Variants in FSTL5 observed in about 807,000 individuals in gnomAD.
FSTL5 encodes follistatin like 5.
FSTL5 carries 62 observed loss-of-function variants against 89.1 expected under a neutral mutation model. That is an observed-to-expected ratio of 0.70 (90% CI 0.57 to 0.86). FSTL5 has a LOEUF of 0.86. Ranked by LOEUF, FSTL5 falls within the 40% of genes least tolerant of loss-of-function variation. FSTL5 has a pLI of 0.00. For missense variants in FSTL5, 1,057 were observed against 1,001.6 expected (o/e 1.06, Z -0.75); for synonymous variants, 383 against 346.2 (o/e 1.11, Z -1.18).
intron 15 of FSTL5, among the ~76,000 whole-genome samples, chr4:161,402,178 C>T (rs1233579262): frequency 4.6e-5 from 7 of 152,106 alleles, no homozygotes; most frequent in African/African-American, 9.7e-5. Flanking sequence ...GAAACACAAA[C>T]GCACACACTT....
intron 10 of FSTL5, among the ~76,000 whole-genome samples, chr4:161,535,925 T>C (rs142678371): frequency 5.9e-5 from 9 of 152,238 alleles, no homozygotes; most frequent in Middle Eastern, 3.4e-3. Context: ...AATGAAATCA[T>C]AGTCTTTGAA....
intron 6 of FSTL5, among the ~76,000 whole-genome samples, chr4:161,694,679 T>G (rs912052017): frequency 6.6e-6 from 1 of 152,038 alleles, no homozygotes; most frequent in African/African-American, 2.4e-5. Flanking sequence ...GGGCATTAAT[T>G]TTATGTTTCT....
At chr4:161,551,478 A>G (rs1483031272) in intron 8 of FSTL5, among the ~76,000 whole-genome samples, 1 of 151,694 alleles carries the variant, frequency 6.6e-6, no homozygotes, top group African/African-American at 2.4e-5. Context: ...TAGATTCTGG[A>G]TATTAGCCCT....
At chr4:161,933,638 T>C (rs183696197) in intron 3 of FSTL5, among the ~76,000 whole-genome samples, 88 of 151,198 alleles carry the variant, frequency 5.8e-4, no homozygotes, top group Admixed American at 9.3e-4. Context: ...ATTTTCAAGG[T>C]GGAAAATGGT....
intron 4 of FSTL5, among the ~76,000 whole-genome samples, chr4:161,805,688 G>A (rs1729943113): frequency 6.6e-6 from 1 of 152,056 alleles, no homozygotes; most frequent in African/African-American, 2.4e-5. Flanking sequence ...ACATGTCACT[G>A]AACTAAAAAT....
intron 4 of FSTL5, among the ~76,000 whole-genome samples, chr4:161,793,756 G>A (rs192468582): frequency 4.9e-4 from 75 of 151,954 alleles, no homozygotes; most frequent in African/African-American, 1.7e-3. Flanking sequence ...CTACAGGTGC[G>A]TGCCACTGTG....
intron 15 of FSTL5, among the ~76,000 whole-genome samples, chr4:161,430,290 A>G (rs984770213): frequency 6.6e-6 from 1 of 152,172 alleles, no homozygotes; most frequent in Non-Finnish European, 1.5e-5. Flanking sequence ...GGCATTAAAG[A>G]GTAGGTAGAG....
chr4:161,902,960 A>G (rs186537201), intron 4 of FSTL5, among the ~76,000 whole-genome samples: 11 of 152,272 alleles, frequency 7.2e-5, no homozygotes, highest in African/African-American at 2.4e-4. Flanking sequence ...CACCAATATT[A>G]AGATTTTCAT....
At position 161,429,563 on chromosome 4, in the gene FSTL5, C is replaced by T. The variant is rs183226188; in HGVS notation, c.1841+25441G>A. On this transcript the variant is annotated intron_variant, in intron 15 of 15. Coordinates refer to ENST00000306100, the MANE Select transcript of FSTL5 (RefSeq NM_020116.5). ...GTAAGGAAGAAAGAAAGAGTCTCTG[C>T]CCAGTAATCAGATAATTCTTCAGGA... Among the ~76,000 whole-genome samples, 137 of 152,276 alleles carry T rather than the reference C, an allele frequency of 9.0e-4. 1 individual carries two copies. Among genetic ancestry groups the T allele is most frequent in the African/African-American group, 3.1e-3 (128 of 41,554 alleles).
chr4:161,538,286 C>T lies in FSTL5; in HGVS notation c.1192G>A (p.Val398Ile). 6.2e-7 allele frequency: 1 copy of T among 1,613,904 alleles called. No homozygotes were observed. The highest frequency in any genetic ancestry group is 8.5e-7 in the Non-Finnish European group (1 of 1,179,872). ...TCATAGCGCACATTGCTTATGTGAA[C>T]CTCACTGCCATTTGCTGAAAAAAGA... ...QLTLQANGSE[V>I]HISNVRYEDT... Residue 398 changes from valine (V) to isoleucine (I), a missense_variant, in exon 10 of 16, where the codon GTT becomes ATT. Physicochemically the swap from Val to Ile is conservative, Grantham distance 29 (BLOSUM62 3). This residue lies in a region of FSTL5 where 980 missense variants were observed against 903.2 expected (regional missense o/e 1.08). Coordinates refer to ENST00000306100, the MANE Select transcript of FSTL5 (RefSeq NM_020116.5).
chr4:161,859,144 C>G (rs893964708), intron 4 of FSTL5, among the ~76,000 whole-genome samples: 1 of 152,112 alleles, frequency 6.6e-6, no homozygotes, highest in Non-Finnish European at 1.5e-5. Flanking sequence ...AAAATGAAAC[C>G]CTTGACTTAG....
chr4:161,954,920 A>G (rs971401763), intron 3 of FSTL5, among the ~76,000 whole-genome samples: 7 of 151,798 alleles, frequency 4.6e-5, no homozygotes, highest in Non-Finnish European at 7.4e-5. Context: ...AACAAGCAAA[A>G]TTCAATGATA....
At chr4:161,578,774 C>G (rs2126596083) in intron 8 of FSTL5, among the ~76,000 whole-genome samples, 1 of 152,088 alleles carries the variant, frequency 6.6e-6, no homozygotes, top group South Asian at 2.1e-4. Flanking sequence ...AGCAGATGTC[C>G]TGTTAGAAAC....
intron 6 of FSTL5, among the ~76,000 whole-genome samples, chr4:161,710,710 C>A (rs753678223): frequency 6.6e-6 from 1 of 152,162 alleles, no homozygotes; most frequent in Non-Finnish European, 1.5e-5. Flanking sequence ...TTTATTGAGT[C>A]ATGTTCCCAT....
intron 6 of FSTL5, among the ~76,000 whole-genome samples, chr4:161,732,531 G>C (rs1739648518): frequency 6.6e-6 from 1 of 151,926 alleles, no homozygotes; most frequent in Non-Finnish European, 1.5e-5. Context: ...GTTGTCTATA[G>C]TTAGTAATTT....
At chr4:161,596,219 AAAATAATAAATT>A (rs1415989062) in intron 7 of FSTL5, among the ~76,000 whole-genome samples, 2 of 151,906 alleles carry the variant, frequency 1.3e-5, no homozygotes, top group East Asian at 3.9e-4. Context: ...TAACACTGTG[AAAATAATAAATT>A]AAATAATATG....
intron 4 of FSTL5, among the ~76,000 whole-genome samples, chr4:161,823,526 GGA>G (rs1730562388): frequency 6.6e-6 from 1 of 152,214 alleles, no homozygotes; most frequent in South Asian, 2.1e-4. Context: ...CTGGCAATGG[GGA>G]GACACCAGAT....
chr4:161,799,891 C>A (rs1729743497), intron 4 of FSTL5, among the ~76,000 whole-genome samples: 1 of 151,588 alleles, frequency 6.6e-6, no homozygotes, highest in African/African-American at 2.4e-5. Flanking sequence ...AGGATGTTTA[C>A]AAAGAAATAT....
chr4:161,891,469 T>G (rs1732987334), intron 4 of FSTL5, among the ~76,000 whole-genome samples: 1 of 152,120 alleles, frequency 6.6e-6, no homozygotes, highest in African/African-American at 2.4e-5. Flanking sequence ...CCCATCTGGT[T>G]TCAAATATAT....
Sources: gnomAD v4.1 joint callset for allele counts (sites outside exome capture counted in the v4.1 genomes callset) on GRCh38, gnomAD v4.1.1 for gene constraint, gnomAD v4.1.1 regional missense constraint, MANE v1.5 for transcripts, NCBI Gene and HGNC (gene_info 2026-07-23, HGNC 2026-07-21) for gene names.